The following PBX1 variants were observed in gnomAD, a reference collection of about 807,000 sequenced individuals.
The protein encoded by PBX1 is PBX homeobox 1.
PBX1 carries 6 observed loss-of-function variants against 53.4 expected under a neutral mutation model. The ratio of observed to expected loss-of-function variants is 0.11; its 90% confidence interval spans 0.06 to 0.22. The LOEUF is 0.22. Ranked by LOEUF, PBX1 falls within the 10% of genes least tolerant of loss-of-function variation. PBX1 has a pLI of 1.00. For synonymous variants in PBX1, 204 were observed against 212.3 expected (o/e 0.96, Z 0.34); for missense variants, 251 against 551.4 (o/e 0.46, Z 5.46).
At chr1:164,615,828 A>G (rs888595263) in intron 2 of PBX1, among the ~76,000 whole-genome samples, 6 of 152,208 alleles carry the variant, frequency 3.9e-5, no homozygotes, top group African/African-American at 9.7e-5. Flanking sequence ...AGAAGGAGCC[A>G]GAGGGAGAGC....
chr1:164,672,836 T>C (rs946035168), intron 2 of PBX1, among the ~76,000 whole-genome samples: 1 of 152,230 alleles, frequency 6.6e-6, no homozygotes, highest in African/African-American at 2.4e-5. Flanking sequence ...GCTTTTGGAC[T>C]ACCCATAATT....
chr1:164,820,695 T>C (rs1328546681), intron 7 of PBX1, among the ~76,000 whole-genome samples: 1 of 152,180 alleles, frequency 6.6e-6, no homozygotes, highest in Non-Finnish European at 1.5e-5. Context: ...TCAAGGGACT[T>C]GAGTTTCTGG....
chr1:164,782,320 C>T (rs1259464198), intron 2 of PBX1, among the ~76,000 whole-genome samples: 1 of 152,212 alleles, frequency 6.6e-6, no homozygotes, highest in Non-Finnish European at 1.5e-5. Flanking sequence ...ATCATTTCCT[C>T]TGTCTGTCCT....
intron 2 of PBX1, among the ~76,000 whole-genome samples, chr1:164,592,543 C>T (rs887992645): frequency 3.9e-5 from 6 of 152,220 alleles, no homozygotes; most frequent in Non-Finnish European, 8.8e-5. Flanking sequence ...GCAGCAGTGT[C>T]TGAGCAGAGT....
At chr1:164,760,354 A>T (rs1180620406) in intron 2 of PBX1, among the ~76,000 whole-genome samples, 2 of 151,946 alleles carry the variant, frequency 1.3e-5, no homozygotes, top group East Asian at 1.9e-4. Flanking sequence ...GAAGTTTGGG[A>T]TGGCATTTCC....
At chr1:164,885,602 T>C (rs371770227) in intron 2 of PBX1, among the ~76,000 whole-genome samples, 1 of 152,214 alleles carries the variant, frequency 6.6e-6, no homozygotes, top group African/African-American at 2.4e-5. Context: ...AGACCTGAGT[T>C]TGAATCCTGG....
Position 164,718,388 on chromosome 1 carries a change from C to T in PBX1, c.266-74106C>T, listed in dbSNP as rs528734350. Reference sequence around the variant, plus strand: ...CTTCCAGTTGTATCACATTTAGGAACTTTGAGGACATAACTCTGAGTGGTC... The same window carrying T: ...CTTCCAGTTGTATCACATTTAGGAATTTTGAGGACATAACTCTGAGTGGTC... On this transcript the variant is annotated intron_variant, in intron 2 of 8. Coordinates refer to ENST00000420696, the MANE Select transcript of PBX1 (RefSeq NM_002585.4). Among the ~76,000 whole-genome samples the T allele has an allele frequency of 7.2e-5, 11 of 152,276 alleles. No individual in the cohort carries two copies. The South Asian group carries it at 8.3e-4, about 11-fold the overall frequency.
rs188127058 is a variant in PBX1, at chr1:164,591,517, T to G, written c.265+28206T>G. ...GGGTTCATGTGAATGTTTACCCTGC[T>G]TAAGAGAGTAAACTTTTCAGAGTTA... is the stretch of plus-strand genomic sequence containing the variant. On this transcript the variant is annotated intron_variant, in intron 2 of 8. Coordinates refer to ENST00000420696, the MANE Select transcript of PBX1 (RefSeq NM_002585.4). Among the ~76,000 whole-genome samples, 752 of 151,266 alleles carry G rather than the reference T, an allele frequency of 5.0e-3. 4 individuals carry two copies. The highest frequency in any genetic ancestry group is 0.015 in the African/African-American group (623 of 41,530).
chr1:164,829,996 T>C (rs984238214), intron 8 of PBX1: 1 of 152,158 alleles, frequency 6.6e-6, no homozygotes, highest in African/African-American at 2.4e-5. Context: ...AAATAAATGT[T>C]TAATTTTATT....
rs546898172 is a variant in PBX1 at position 164,668,307 on chromosome 1, C to T, written c.265+104996C>T. 6.2e-4 allele frequency among the ~76,000 whole-genome samples: 95 copies of T among 152,256 alleles called. 3 individuals are homozygous for T. In the South Asian group the frequency reaches 0.02, roughly 31 times the overall value. On this transcript the variant is annotated intron_variant, in intron 2 of 8. Transcript: ENST00000420696. Reference sequence around the variant, plus strand: ...TGGGTATATTATGCTTAATGTTTCCCCACCAGACCCGATTGTGTCTTGATT... The same window carrying T: ...TGGGTATATTATGCTTAATGTTTCCTCACCAGACCCGATTGTGTCTTGATT...
intron 2 of PBX1, among the ~76,000 whole-genome samples, chr1:164,766,144 A>G (rs1667048169): frequency 6.6e-6 from 1 of 152,210 alleles, no homozygotes; most frequent in African/African-American, 2.4e-5. Context: ...ACTGTATGAC[A>G]TCATTCAAGC....
At chr1:164,862,384 C>T (rs1424254155) in intron 2 of PBX1, among the ~76,000 whole-genome samples, 2 of 152,120 alleles carry the variant, frequency 1.3e-5, no homozygotes, top group African/African-American at 2.4e-5. Context: ...CCTATTTATC[C>T]CTCTCTTGTA....
At chr1:164,639,822 C>T (rs1046592376) in intron 2 of PBX1, among the ~76,000 whole-genome samples, 2 of 152,036 alleles carry the variant, frequency 1.3e-5, no homozygotes, top group South Asian at 4.1e-4. Flanking sequence ...ACCACCATGC[C>T]CAGCAAATTT....
At chr1:164,584,893 C>A (rs1039359117) in intron 2 of PBX1, among the ~76,000 whole-genome samples, 1 of 152,088 alleles carries the variant, frequency 6.6e-6, no homozygotes, top group Non-Finnish European at 1.5e-5. Context: ...TTTTCTTTTT[C>A]CCCCTCTTTT....
At chr1:164,610,347 G>A (rs576147963) in intron 2 of PBX1, among the ~76,000 whole-genome samples, 1 of 152,232 alleles carries the variant, frequency 6.6e-6, no homozygotes, top group South Asian at 2.1e-4. Flanking sequence ...CTGCTTTGAA[G>A]AATGGTGAAC....
rs1558053871 is a variant in PBX1, at chr1:164,870,345, CTTTCTTTCTTT to C, written n.258-28842_258-28832del. ...TCTTTCTTTCTTTCTTTCTTTCTTT[CTTTCTTTCTTT>C]CTTTCGAGATGAAGTCTTGCTCTGT... On this transcript the variant is annotated intron_variant and non_coding_transcript_variant, in intron 2 of 2. Coordinates refer to the PBX1 transcript ENST00000558796. 9.8e-3 allele frequency among the ~76,000 whole-genome samples: 981 copies of C among 99,708 alleles called. 102 individuals are homozygous for C. Among genetic ancestry groups the C allele is most frequent in the South Asian group, 0.019 (57 of 2,952 alleles). 65.4% of individuals were successfully genotyped at this position (99,708 alleles called of 152,430 possible).
At chr1:164,758,401 C>A (rs183109196) in intron 2 of PBX1, among the ~76,000 whole-genome samples, 1 of 152,042 alleles carries the variant, frequency 6.6e-6, no homozygotes, top group African/African-American at 2.4e-5. Context: ...AGCTGCAGGC[C>A]GACTCTGAAG....
At chr1:164,726,721 T>C (rs990542380) in intron 2 of PBX1, among the ~76,000 whole-genome samples, 2 of 152,174 alleles carry the variant, frequency 1.3e-5, no homozygotes, top group Admixed American at 1.3e-4. Context: ...AATAATGTTT[T>C]ACTAGTAAAA....
intron 2 of PBX1, among the ~76,000 whole-genome samples, chr1:164,598,924 A>G (rs1005401810): frequency 6.6e-6 from 1 of 152,196 alleles, no homozygotes; most frequent in African/African-American, 2.4e-5. Context: ...CAGTTGCCCC[A>G]GGTTATTCAA....
Sources: allele counts gnomAD v4.1 joint callset (sites outside exome capture counted in the v4.1 genomes callset), GRCh38; gene constraint gnomAD v4.1.1; transcripts MANE v1.5; gene names NCBI Gene and HGNC (gene_info 2026-07-23, HGNC 2026-07-21).